The following IL15 variants were observed in gnomAD, a reference collection of about 807,000 sequenced individuals.
IL15 encodes interleukin-15.
IL15 carries 11 observed loss-of-function variants against 19.6 expected under a neutral mutation model. The ratio of observed to expected loss-of-function variants is 0.56; its 90% confidence interval spans 0.35 to 0.93. The LOEUF (loss-of-function observed/expected upper bound fraction) is 0.93, where lower values mean the gene tolerates loss of function less well. Ranked by LOEUF, IL15 falls within the 40% of genes least tolerant of loss-of-function variation. IL15 has a pLI of 0.01. For synonymous variants in IL15, 58 were observed against 59.6 expected (o/e 0.97, Z 0.12); for missense variants, 197 against 186.5 (o/e 1.06, Z -0.33).
intron 1 of IL15, among the ~76,000 whole-genome samples, chr4:141,647,031 A>G (rs1727248581): frequency 6.6e-6 from 1 of 152,122 alleles, no homozygotes; most frequent in African/African-American, 2.4e-5. Flanking sequence ...TGCAAATAGA[A>G]TGGAGAATAG....
intron 2 of IL15, among the ~76,000 whole-genome samples, chr4:141,682,763 T>C (rs1273455724): frequency 6.6e-6 from 1 of 152,136 alleles, no homozygotes; most frequent in Non-Finnish European, 1.5e-5. Context: ...GAGACCGTCC[T>C]GGCTAACACA....
At chr4:141,641,618 A>G (rs1191214174) in intron 1 of IL15, among the ~76,000 whole-genome samples, 6 of 146,020 alleles carry the variant, frequency 4.1e-5, no homozygotes, top group Non-Finnish European at 7.5e-5. Context: ...GCATGTTCTC[A>G]CTCATAGGTG....
intron 2 of IL15, among the ~76,000 whole-genome samples, chr4:141,680,705 C>T (rs77627884): frequency 0.014 from 2,205 of 152,274 alleles, 55 homozygotes; most frequent in African/African-American, 0.05. Flanking sequence ...CAGAACATCT[C>T]TCCCACCAGC....
At chr4:141,658,848 AT>A (rs1218883374) in intron 2 of IL15, among the ~76,000 whole-genome samples, 1 of 136,020 alleles carries the variant, frequency 7.4e-6, no homozygotes, top group Non-Finnish European at 1.5e-5. Flanking sequence ...CCTAGAAATT[AT>A]TGTTTCTTGG....
intron 6 of IL15, 90 bp downstream of exon 6, chr4:141,728,074 T>A: frequency 1.5e-6 from 1 of 661,468 alleles, no homozygotes; most frequent in Non-Finnish European, 2.6e-6. Context: ...ATGGTAGTTT[T>A]AAAATCTAAC....
chr4:141,703,330 A>C (rs1264856188), intron 2 of IL15, among the ~76,000 whole-genome samples: 2 of 152,058 alleles, frequency 1.3e-5, no homozygotes, highest in African/African-American at 2.4e-5. Flanking sequence ...TTCAGCTGGG[A>C]GCTTCTTTTA....
At chr4:141,711,676 C>T (rs183858374) in intron 2 of IL15, among the ~76,000 whole-genome samples, 4 of 152,186 alleles carry the variant, frequency 2.6e-5, no homozygotes, top group African/African-American at 9.6e-5. Context: ...TATTTAGACT[C>T]AAATATAAAT....
intron 2 of IL15, among the ~76,000 whole-genome samples, chr4:141,706,679 C>G (rs975590134): frequency 8.6e-5 from 13 of 151,356 alleles, no homozygotes; most frequent in Admixed American, 4.6e-4. Context: ...TGAAGGATAG[C>G]TTTGCTGAAT....
intron 1 of IL15, among the ~76,000 whole-genome samples, chr4:141,644,350 G>A (rs541217135): frequency 6.6e-5 from 10 of 152,150 alleles, no homozygotes; most frequent in South Asian, 4.1e-4. Context: ...GTTATTTATC[G>A]TGATCTTGTA....
intron 2 of IL15, among the ~76,000 whole-genome samples, chr4:141,709,381 G>C (rs114880073): frequency 6.6e-6 from 1 of 152,074 alleles, no homozygotes; most frequent in Non-Finnish European, 1.5e-5. Context: ...TAAAAAGGTT[G>C]TTCATTGTGT....
rs577813546 is a variant in IL15, at chr4:141,686,855, A to T, written c.-100+30548A>T. 3.3e-5 allele frequency among the ~76,000 whole-genome samples: 5 copies of T among 152,342 alleles called. No individual in the cohort carries two copies. The East Asian group carries it at 9.6e-4, about 29-fold the overall frequency. ...ACTAGTAATTTCCTGGTTCATTATA[A>T]TACTTTATTTTCTACACATTTTTAG... On this transcript the variant is annotated intron_variant, in intron 2 of 7. Transcript: ENST00000320650.
At chr4:141,695,986 G>A (rs1729080010) in intron 2 of IL15, among the ~76,000 whole-genome samples, 1 of 151,876 alleles carries the variant, frequency 6.6e-6, no homozygotes, top group African/African-American at 2.4e-5. Context: ...TGCTTTTGCT[G>A]CCTATGATTT....
intron 2 of IL15, among the ~76,000 whole-genome samples, chr4:141,671,072 C>T (rs886900860): frequency 1.3e-5 from 2 of 152,080 alleles, no homozygotes; most frequent in Admixed American, 6.6e-5. Flanking sequence ...TAACAATTCA[C>T]CCATCATTTC....
chr4:141,732,339 A>G (rs1254846929), intron 7 of IL15, among the ~76,000 whole-genome samples: 1 of 152,202 alleles, frequency 6.6e-6, no homozygotes, highest in Non-Finnish European at 1.5e-5. Flanking sequence ...ATGCTCACTC[A>G]GTGTTTCTAG....
chr4:141,637,927 T>A (rs763726335), intron 1 of IL15, among the ~76,000 whole-genome samples: 2 of 152,188 alleles, frequency 1.3e-5, no homozygotes, highest in Non-Finnish European at 2.9e-5. Context: ...CATCCTGCCA[T>A]GTAGAGGTTA....
At chr4:141,643,731 C>T (rs765047576) in intron 1 of IL15, among the ~76,000 whole-genome samples, 77 of 152,168 alleles carry the variant, frequency 5.1e-4, no homozygotes, top group Non-Finnish European at 9.4e-4. Context: ...TCTATCTGTA[C>T]TCTCTGTCTT....
At chr4:141,653,713 T>A (rs887813231) in intron 1 of IL15, among the ~76,000 whole-genome samples, 4 of 152,216 alleles carry the variant, frequency 2.6e-5, no homozygotes, top group Non-Finnish European at 5.9e-5. Flanking sequence ...ACTTAAGCAG[T>A]ACCCTACTGA....
At chr4:141,659,645 A>G (rs1433989638) in intron 2 of IL15, among the ~76,000 whole-genome samples, 1 of 152,242 alleles carries the variant, frequency 6.6e-6, no homozygotes, top group Non-Finnish European at 1.5e-5. Flanking sequence ...TGTCACTGAG[A>G]TATTGATGGA....
chr4:141,724,285 G>A (rs995880151), intron 5 of IL15, among the ~76,000 whole-genome samples: 3 of 151,930 alleles, frequency 2.0e-5, no homozygotes, highest in African/African-American at 2.4e-5. Context: ...ATGAAATACA[G>A]CATATCAAGA....
Sources: allele counts gnomAD v4.1 joint callset (sites outside exome capture counted in the v4.1 genomes callset), GRCh38; gene constraint gnomAD v4.1.1; transcripts MANE v1.5; gene names NCBI Gene and HGNC (gene_info 2026-07-23, HGNC 2026-07-21).